SPOCK1: variants seen among roughly 807,000 people sequenced by gnomAD.
The protein encoded by SPOCK1 is testican-1.
Under a neutral mutation model 55.3 loss-of-function variants are expected in SPOCK1, and 23 were observed. That is an observed-to-expected ratio of 0.42 (90% CI 0.30 to 0.59). The LOEUF (loss-of-function observed/expected upper bound fraction) is 0.59. Among genes scored for constraint, SPOCK1 ranks in the 20% least tolerant of loss-of-function variants. The pLI is 0.22. For synonymous variants in SPOCK1, 226 were observed against 221.0 expected, an observed-to-expected ratio of 1.02 and a Z score of -0.20; for missense variants, 499 against 552.5, an observed-to-expected ratio of 0.90 and a Z score of 0.97.
intron 2 of SPOCK1, among the ~76,000 whole-genome samples, chr5:137,304,218 G>A (rs958595065): frequency 2.6e-5 from 4 of 152,110 alleles, no homozygotes; most frequent in Non-Finnish European, 5.9e-5. Context: ...CATAAGAAAC[G>A]AGGTTTTGAT....
rs182205000 is a variant in SPOCK1 at position 137,252,610 on chromosome 5, G to C, written c.232+14400C>G. Among the ~76,000 whole-genome samples the C allele has an allele frequency of 5.8e-3, 883 of 152,316 alleles. 2 individuals are homozygous for C. Among genetic ancestry groups the C allele is most frequent in the Admixed American group, 1.0e-2 (153 of 15,302 alleles). ...CTCTTCCAGGGCAGGCCAGCTCATT[G>C]TTGACCAGATATAAACACTAGGCAC... On this transcript the variant is annotated intron_variant, in intron 3 of 10. Transcript: ENST00000394945.
At chr5:136,985,092 G>A in intron 9 of SPOCK1, 48 bp downstream of exon 9, 1 of 1,550,738 alleles carries the variant, frequency 6.4e-7, no homozygotes, top group Non-Finnish European at 8.9e-7. Flanking sequence ...CAAGGGACAT[G>A]GCTGGCTTAA....
At chr5:137,309,848 G>A (rs1225475107) in intron 2 of SPOCK1, among the ~76,000 whole-genome samples, 1 of 151,926 alleles carries the variant, frequency 6.6e-6, no homozygotes, top group Non-Finnish European at 1.5e-5. Context: ...CAAACAGTGA[G>A]TACCCCCCAT....
chr5:137,099,741 T>G (rs1232559582), intron 5 of SPOCK1, among the ~76,000 whole-genome samples: 2 of 152,138 alleles, frequency 1.3e-5, no homozygotes, highest in African/African-American at 4.8e-5. Flanking sequence ...TGTTTGTGGT[T>G]TCAGCTCCAA....
Position 137,070,516 on chromosome 5 carries a change from G to A in SPOCK1, c.475-2687C>T, listed in dbSNP as rs1028412012. ...CTGAATGACAAAGGCAGAAAGAAGG[G>A]AGCCACAATTCACTTTGCTGCTCTG... is the stretch of plus-strand genomic sequence containing the variant. On this transcript the variant is annotated intron_variant, in intron 5 of 10. Coordinates refer to ENST00000394945, the MANE Select transcript of SPOCK1 (RefSeq NM_004598.4). Among the ~76,000 whole-genome samples the A allele has an allele frequency of 8.5e-5, 13 of 152,312 alleles. No homozygotes were observed. In the East Asian group the frequency reaches 2.1e-3, roughly 25 times the overall value.
chr5:137,485,501 A>T (rs991021522), intron 2 of SPOCK1, among the ~76,000 whole-genome samples: 12 of 152,260 alleles, frequency 7.9e-5, no homozygotes, highest in Non-Finnish European at 1.8e-4. Context: ...AAAACTAGTT[A>T]ACTGCATCTC....
At chr5:136,990,591 C>T (rs1489817849) in intron 7 of SPOCK1, among the ~76,000 whole-genome samples, 2 of 150,446 alleles carry the variant, frequency 1.3e-5, no homozygotes, top group South Asian at 2.1e-4. Context: ...CGGGACATAA[C>T]GTGGCCCCTT....
chr5:137,113,561 T>C (rs1359969303), intron 4 of SPOCK1, among the ~76,000 whole-genome samples: 1 of 152,214 alleles, frequency 6.6e-6, no homozygotes, highest in Non-Finnish European at 1.5e-5. Context: ...CTTGGCAAGG[T>C]ATTTAATGGT....
At chr5:137,463,306 AC>A (rs1332514303) in intron 2 of SPOCK1, among the ~76,000 whole-genome samples, 4 of 152,224 alleles carry the variant, frequency 2.6e-5, no homozygotes. Context: ...GTACATATAC[AC>A]AATGGAGTCC....
At chr5:137,303,929 G>T (rs549946690) in intron 2 of SPOCK1, among the ~76,000 whole-genome samples, 1 of 152,144 alleles carries the variant, frequency 6.6e-6, no homozygotes, top group Non-Finnish European at 1.5e-5. Context: ...GCCAGGAACC[G>T]GTTTGGAAAG....
At chr5:137,141,396 A>G (rs1447711152) in intron 3 of SPOCK1, among the ~76,000 whole-genome samples, 2 of 152,242 alleles carry the variant, frequency 1.3e-5, no homozygotes, top group African/African-American at 4.8e-5. Flanking sequence ...TCCTATGAAA[A>G]GTCCTTGAGG....
At chr5:137,363,138 T>C (rs73298718) in intron 2 of SPOCK1, among the ~76,000 whole-genome samples, 10,357 of 152,196 alleles carry the variant, frequency 0.068, 673 homozygotes, top group African/African-American at 0.17. Flanking sequence ...ATGAATAAGA[T>C]CCAGACCTTG....
At chr5:137,261,492 T>C (rs17171220) in intron 3 of SPOCK1, among the ~76,000 whole-genome samples, 5,302 of 152,282 alleles carry the variant, frequency 0.035, 365 homozygotes, top group African/African-American at 0.12. Flanking sequence ...CTTGGTATAA[T>C]AGACTGGAAG....
At chr5:137,180,897 A>G (rs187356914) in intron 3 of SPOCK1, among the ~76,000 whole-genome samples, 2 of 152,320 alleles carry the variant, frequency 1.3e-5, no homozygotes. Flanking sequence ...ATGATGGGTG[A>G]TAAGTGGATG....
At chr5:137,226,175 A>C (rs1329154481) in intron 3 of SPOCK1, among the ~76,000 whole-genome samples, 1 of 152,226 alleles carries the variant, frequency 6.6e-6, no homozygotes, top group Non-Finnish European at 1.5e-5. Context: ...GTGATTCTTC[A>C]CAGGGAGATT....
intron 2 of SPOCK1, among the ~76,000 whole-genome samples, chr5:137,395,197 T>C (rs1417504072): frequency 6.6e-6 from 1 of 152,242 alleles, no homozygotes; most frequent in Non-Finnish European, 1.5e-5. Flanking sequence ...CTGGATTTTG[T>C]TGCCCGCAGA....
At chr5:137,256,551 G>A (rs184603894) in intron 3 of SPOCK1, among the ~76,000 whole-genome samples, 3 of 152,228 alleles carry the variant, frequency 2.0e-5, no homozygotes, top group East Asian at 1.9e-4. Context: ...GGCTCCATTC[G>A]TGAGGGTGAA....
intron 2 of SPOCK1, among the ~76,000 whole-genome samples, chr5:137,472,346 G>A (rs929822530): frequency 2.0e-5 from 3 of 151,698 alleles, no homozygotes; most frequent in Non-Finnish European, 2.9e-5. Context: ...GAAAAAGGGG[G>A]CTCAAACCTT....
chr5:137,261,884 G>A (rs962556758), intron 3 of SPOCK1, among the ~76,000 whole-genome samples: 12 of 152,128 alleles, frequency 7.9e-5, no homozygotes, highest in African/African-American at 1.9e-4. Context: ...GTTCTTTCCT[G>A]AGTGCACCCT....
Sources: allele counts gnomAD v4.1 joint callset (sites outside exome capture counted in the v4.1 genomes callset), GRCh38; gene constraint gnomAD v4.1.1; transcripts MANE v1.5; gene names NCBI Gene and HGNC (gene_info 2026-07-23, HGNC 2026-07-21).